ATP2B2: variants seen among roughly 807,000 people sequenced by gnomAD.
The protein encoded by ATP2B2 is plasma membrane calcium-transporting ATPase 2.
Under a neutral mutation model 120.0 loss-of-function variants are expected in ATP2B2, and 15 were observed. That is an observed-to-expected ratio of 0.12 (90% CI 0.08 to 0.19). The LOEUF (loss-of-function observed/expected upper bound fraction) is 0.19. Among genes scored for constraint, ATP2B2 ranks in the 10% least tolerant of loss-of-function variants. The probability of loss-of-function intolerance (pLI) is 1.00; values close to 1 mark genes in which losing one functional copy is unlikely to be tolerated. For synonymous variants in ATP2B2, 694 were observed against 700.3 expected, an observed-to-expected ratio of 0.99 and a Z score of 0.14; for missense variants, 1,045 against 1,719.8, an observed-to-expected ratio of 0.61 and a Z score of 6.94.
At chr3:10,513,723 G>A (rs142508505) in intron 3 of ATP2B2, among the ~76,000 whole-genome samples, 201 of 152,278 alleles carry the variant, frequency 1.3e-3, no homozygotes, top group Non-Finnish European at 2.6e-3. Flanking sequence ...ACAGAGTCGC[G>A]AATGTGCAGG....
chr3:10,577,051 C>CAAAAA (rs71055823), intron 2 of ATP2B2, among the ~76,000 whole-genome samples: 7 of 109,362 alleles, frequency 6.4e-5, no homozygotes, highest in African/African-American at 1.8e-4. Context: ...GACTCTGTGT[C>CAAAAA]AAAAAAAAAA....
intron 3 of ATP2B2, among the ~76,000 whole-genome samples, chr3:10,513,070 T>C (rs981522177): frequency 1.3e-5 from 2 of 152,208 alleles, no homozygotes; most frequent in African/African-American, 4.8e-5. Context: ...ACACCCATGG[T>C]GTCTGCTCTC....
intron 2 of ATP2B2, among the ~76,000 whole-genome samples, chr3:10,558,143 T>C (rs2067821379): frequency 6.6e-6 from 1 of 152,188 alleles, no homozygotes; most frequent in South Asian, 2.1e-4. Context: ...CCTCCTTCTT[T>C]GGGTCAGAGC....
Position 10,372,406 on chromosome 3 carries a change from A to G in ATP2B2, c.1417-355T>C, listed in dbSNP as rs543001183. On this transcript the variant is annotated intron_variant, in intron 11 of 22. Transcript: ENST00000360273. ...TACTTTAAGTATTTTTCTCTTATAG[A>G]CTAACATAAGTAACTATTCCTTATT... Among the ~76,000 whole-genome samples, 10 of 152,346 alleles carry G rather than the reference A, an allele frequency of 6.6e-5. No individual in the cohort carries two copies. The South Asian group carries it at 2.1e-3, about 32-fold the overall frequency.
In ATP2B2 at chr3:10,610,094, C is replaced by T. The variant is rs528883298; in HGVS notation, c.-415+9823G>A. Among the ~76,000 whole-genome samples, 1,079 of 150,728 alleles carry T rather than the reference C, an allele frequency of 7.2e-3. 14 individuals carry two copies. The highest frequency in any genetic ancestry group is 0.023 in the African/African-American group (957 of 40,850). On this transcript the variant is annotated intron_variant, in intron 2 of 21. Transcript: ENST00000646379. ...ACACACATACACACACACACACACA[C>T]ACACACACATATATACACATATATG...
intron 1 of ATP2B2, among the ~76,000 whole-genome samples, chr3:10,665,443 G>A (rs963949186): frequency 1.2e-4 from 19 of 152,114 alleles, no homozygotes; most frequent in Admixed American, 6.5e-5. Context: ...TGCACGGCAT[G>A]CACCTATCTC....
At chr3:10,706,143 C>A (rs963985754) in intron 1 of ATP2B2, among the ~76,000 whole-genome samples, 3 of 152,178 alleles carry the variant, frequency 2.0e-5, no homozygotes, top group African/African-American at 7.2e-5. Context: ...TAAGTGCCTC[C>A]TGACTCACAG....
chr3:10,471,824 T>A (rs1352898217), intron 1 of ATP2B2, among the ~76,000 whole-genome samples: 1 of 151,994 alleles, frequency 6.6e-6, no homozygotes, highest in Admixed American at 6.6e-5. Context: ...AAATAGATAC[T>A]AATCCCAGCA....
intron 2 of ATP2B2, among the ~76,000 whole-genome samples, chr3:10,547,352 G>C (rs1318619761): frequency 6.6e-6 from 1 of 152,140 alleles, no homozygotes; most frequent in African/African-American, 2.4e-5. Flanking sequence ...GCCTGGTAAA[G>C]TCATATTCTA....
At chr3:10,482,269 A>C (rs915674911) in intron 1 of ATP2B2, among the ~76,000 whole-genome samples, 1 of 152,172 alleles carries the variant, frequency 6.6e-6, no homozygotes, top group Non-Finnish European at 1.5e-5. Flanking sequence ...AGAAGCCTGA[A>C]GCTTCAGCTG....
intron 1 of ATP2B2, among the ~76,000 whole-genome samples, chr3:10,482,387 T>C (rs1003260011): frequency 6.6e-6 from 1 of 152,250 alleles, no homozygotes; most frequent in African/African-American, 2.4e-5. Context: ...CCTCTGTCAC[T>C]GTCTGCTCTA....
intron 8 of ATP2B2, among the ~76,000 whole-genome samples, chr3:10,381,888 C>T (rs1416859647): frequency 6.6e-6 from 1 of 152,206 alleles, no homozygotes; most frequent in Non-Finnish European, 1.5e-5. Flanking sequence ...ACCTGATACA[C>T]AAGCTCTGGG....
intron 1 of ATP2B2, among the ~76,000 whole-genome samples, chr3:10,707,079 G>A (rs2071907044): frequency 6.6e-6 from 1 of 152,358 alleles, no homozygotes; most frequent in Non-Finnish European, 1.5e-5. Flanking sequence ...GGGTGGCCAG[G>A]CCCTGGGTGA....
In ATP2B2 at chr3:10,605,838, G is replaced by A. The variant is rs186428220; in HGVS notation, c.-415+14079C>T. 1.9e-4 allele frequency among the ~76,000 whole-genome samples: 29 copies of A among 152,214 alleles called. No individual in the cohort carries two copies. In the East Asian group the frequency reaches 4.4e-3, roughly 23 times the overall value. On this transcript the variant is annotated intron_variant, in intron 2 of 21. Coordinates refer to the ATP2B2 transcript ENST00000646379. The stretch of plus-strand genomic sequence containing the variant: ...TAATTTTTGTATTTTTAGTAGAGAT[G>A]AGGTTTCGCCATGTTGGCCAGGCTG...
Position 10,704,744 on chromosome 3 carries a change from G to C in ATP2B2, c.-460+3171C>G, listed in dbSNP as rs547721129. ...CCACTTAATTGGAGAGGGTGGAAAG[G>C]AGGCCAGTTTGAATTAATGAAAAGT... On this transcript the variant is annotated intron_variant, in intron 1 of 21. Transcript: ENST00000646379. Among the ~76,000 whole-genome samples, 8 of 152,306 alleles carry C rather than the reference G, an allele frequency of 5.3e-5. No individual in the cohort carries two copies. The East Asian group carries it at 1.2e-3, about 22-fold the overall frequency.
chr3:10,383,346 T>C (rs2061584409), intron 8 of ATP2B2, among the ~76,000 whole-genome samples: 1 of 152,160 alleles, frequency 6.6e-6, no homozygotes, highest in Non-Finnish European at 1.5e-5. Flanking sequence ...TGTGACTCTG[T>C]AACTCTCCGC....
At chr3:10,412,190 G>T (rs201907141) in intron 2 of ATP2B2, among the ~76,000 whole-genome samples, 22 of 152,336 alleles carry the variant, frequency 1.4e-4, no homozygotes, top group East Asian at 7.7e-4. Flanking sequence ...GCCACTGTTT[G>T]CCTGTCTATA....
At chr3:10,670,635 G>C (rs532408741) in intron 1 of ATP2B2, among the ~76,000 whole-genome samples, 4 of 152,284 alleles carry the variant, frequency 2.6e-5, no homozygotes, top group African/African-American at 9.6e-5. Flanking sequence ...TGGTCAGGCT[G>C]GTCTCGAACT....
At chr3:10,522,863 C>T (rs977567369) in intron 3 of ATP2B2, among the ~76,000 whole-genome samples, 17 of 152,186 alleles carry the variant, frequency 1.1e-4, no homozygotes, top group Non-Finnish European at 2.2e-4. Context: ...CATGTTTTCT[C>T]CCAGAGCCTG....
Sources: gnomAD v4.1 joint callset for allele counts (sites outside exome capture counted in the v4.1 genomes callset) on GRCh38, gnomAD v4.1.1 for gene constraint, MANE v1.5 for transcripts, NCBI Gene and HGNC (gene_info 2026-07-23, HGNC 2026-07-21) for gene names.